The following CTNNA1 variants were observed in gnomAD, a reference collection of about 807,000 sequenced individuals.
The protein encoded by CTNNA1 is catenin alpha-1.
Under a neutral mutation model 98.4 loss-of-function variants are expected in CTNNA1, and 37 were observed. That is an observed-to-expected ratio of 0.38 (90% CI 0.29 to 0.49). The LOEUF is 0.49. Among genes scored for constraint, CTNNA1 ranks in the 20% least tolerant of loss-of-function variants. The pLI is 0.95. For missense variants in CTNNA1, 761 were observed against 1,147.2 expected (o/e 0.66, Z 4.86); for synonymous variants, 404 against 413.2 (o/e 0.98, Z 0.27).
At chr5:138,807,461 A>T (rs752602011) in intron 3 of CTNNA1, among the ~76,000 whole-genome samples, 17 of 151,654 alleles carry the variant, frequency 1.1e-4, no homozygotes, top group Non-Finnish European at 1.2e-4. Context: ...TTCTTCCCTA[A>T]ACTAGTTGTT....
At chr5:138,853,295 T>C (rs1196760206) in intron 7 of CTNNA1, among the ~76,000 whole-genome samples, 1 of 152,202 alleles carries the variant, frequency 6.6e-6, no homozygotes, top group Non-Finnish European at 1.5e-5. Context: ...TGAATTCAAA[T>C]AATCTTTTTA....
intron 1 of CTNNA1, chr5:138,754,340 C>G (rs1283403404): frequency 6.6e-6 from 1 of 151,738 alleles, no homozygotes; most frequent in Non-Finnish European, 1.5e-5. Flanking sequence ...CTGACCTTTG[C>G]TTGGCAGCAG....
rs191945663 is a variant in CTNNA1, at chr5:138,825,111, A to T, written c.858+312A>T. On this transcript the variant is annotated intron_variant, in intron 6 of 17. Transcript: ENST00000302763. ...AACCAAGATTTTGACCTTCTGGCAG[A>T]TGTGAAGCTATGGTAGATACAGAAA... Among the ~76,000 whole-genome samples the T allele has an allele frequency of 9.2e-5, 14 of 152,250 alleles. No homozygotes were observed. In the East Asian group the frequency reaches 2.3e-3, roughly 25 times the overall value.
At chr5:138,877,390 C>A (rs542101528) in intron 7 of CTNNA1, among the ~76,000 whole-genome samples, 21 of 152,196 alleles carry the variant, frequency 1.4e-4, no homozygotes, top group Middle Eastern at 3.4e-3. Context: ...CAGGAACTTG[C>A]CCCCAAAAGT....
intron 3 of CTNNA1, among the ~76,000 whole-genome samples, chr5:138,800,136 TCAG>T (rs1757415524): frequency 6.6e-6 from 1 of 152,182 alleles, no homozygotes; most frequent in Non-Finnish European, 1.5e-5. Flanking sequence ...ATAAATGAAT[TCAG>T]CAGACCACTG....
chr5:138,822,699 T>C (rs1237882125), intron 5 of CTNNA1, among the ~76,000 whole-genome samples: 2 of 152,206 alleles, frequency 1.3e-5, no homozygotes, highest in Non-Finnish European at 2.9e-5. Flanking sequence ...TGTTTTTGAA[T>C]ATTTAGCCTA....
intron 13 of CTNNA1, among the ~76,000 whole-genome samples, chr5:138,926,566 T>C (rs552535701): frequency 1.3e-5 from 2 of 149,900 alleles, no homozygotes; most frequent in African/African-American, 4.9e-5. Context: ...CTGCATCCCA[T>C]GTCTGTGTGC....
At chr5:138,850,882 G>C (rs1345925786) in intron 7 of CTNNA1, among the ~76,000 whole-genome samples, 1 of 152,146 alleles carries the variant, frequency 6.6e-6, no homozygotes, top group Non-Finnish European at 1.5e-5. Flanking sequence ...TAAGTCTTTT[G>C]GTGATTGATA....
At chr5:138,807,097 G>A (rs918008662) in intron 3 of CTNNA1, among the ~76,000 whole-genome samples, 12 of 145,710 alleles carry the variant, frequency 8.2e-5, no homozygotes, top group African/African-American at 1.5e-4. Context: ...TGTAACCTCC[G>A]CCTCCTGGGT....
intron 1 of CTNNA1, among the ~76,000 whole-genome samples, chr5:138,771,924 G>GT (rs752156000): frequency 6.6e-6 from 1 of 151,076 alleles, no homozygotes; most frequent in Non-Finnish European, 1.5e-5. Flanking sequence ...TAACTTTGCT[G>GT]TTAAAAAAAA....
chr5:138,925,233 C>G, intron 12 of CTNNA1, 23 bp from the exon 13 acceptor site: 3 of 1,611,302 alleles, frequency 1.9e-6, no homozygotes, highest in African/African-American at 1.3e-5. Context: ...ACCAGGGTAT[C>G]TACTGTGCCT....
intron 16 of CTNNA1, 96 bp from the exon 17 acceptor site, chr5:138,932,482 T>C: frequency 1.3e-6 from 2 of 1,525,902 alleles, no homozygotes; most frequent in Non-Finnish European, 1.8e-6. Context: ...AGAGGAAGCA[T>C]GTGAGTGCCA....
intron 1 of CTNNA1, among the ~76,000 whole-genome samples, chr5:138,778,203 C>T (rs1206364771): frequency 6.6e-6 from 1 of 151,858 alleles, no homozygotes; most frequent in African/African-American, 2.4e-5. Flanking sequence ...ACAGTGTTGA[C>T]CAGGATGGTT....
intron 3 of CTNNA1, among the ~76,000 whole-genome samples, chr5:138,791,615 C>CAAAAAAAAAAAA (rs1181055311): frequency 2.5e-5 from 1 of 40,306 alleles, no homozygotes; most frequent in African/African-American, 1.1e-4. Flanking sequence ...GACTCCGTCT[C>CAAAAAAAAAAAA]AAAAAAAAAA....
intron 7 of CTNNA1, among the ~76,000 whole-genome samples, chr5:138,859,299 C>T (rs288016): frequency 0.69 from 105,026 of 151,960 alleles, 36,436 homozygotes; most frequent in East Asian, 0.93. Context: ...TGCCATTTTA[C>T]AGGTATTGTT....
chr5:138,904,314 G>GA (rs752996937), intron 9 of CTNNA1, 35 bp from the exon 10 acceptor site: 1 of 1,593,164 alleles, frequency 6.3e-7, no homozygotes, highest in African/African-American at 1.4e-5. Context: ...AGTCAAAAGA[G>GA]AAAAATCTTT....
chr5:138,887,659 T>C lies in CTNNA1; in HGVS notation c.1296+17T>C, dbSNP rs1278780137. 1 of 1,597,044 alleles carries C rather than the reference T, an allele frequency of 6.3e-7. No individual in the cohort carries two copies. Among genetic ancestry groups the C allele is most frequent in the Admixed American group, 1.8e-5 (1 of 56,350 alleles). On this transcript the variant is annotated intron_variant, in intron 9 of 17. Transcript: ENST00000302763. ...TTGATTGAGGTAAGTGAATTAGCAG[T>C]TTCATTGACTTGTAGGCAACTTGGT... is the stretch of plus-strand genomic sequence containing the variant.
intron 3 of CTNNA1, among the ~76,000 whole-genome samples, chr5:138,793,704 C>T (rs1431107048): frequency 6.6e-6 from 1 of 152,128 alleles, no homozygotes; most frequent in African/African-American, 2.4e-5. Context: ...AGTTGAAATG[C>T]ATGTTATGCA....
At chr5:138,900,450 C>G (rs1174398009) in intron 9 of CTNNA1, among the ~76,000 whole-genome samples, 2 of 151,998 alleles carry the variant, frequency 1.3e-5, no homozygotes, top group African/African-American at 4.8e-5. Context: ...ACAAACATTC[C>G]AGGATAAGAG....
Sources: gnomAD v4.1 joint callset for allele counts (sites outside exome capture counted in the v4.1 genomes callset) on GRCh38, gnomAD v4.1.1 for gene constraint, MANE v1.5 for transcripts, NCBI Gene and HGNC (gene_info 2026-07-23, HGNC 2026-07-21) for gene names.